Variants in CCDC171 observed in about 807,000 individuals in gnomAD.
The protein encoded by CCDC171 is coiled-coil domain-containing protein 171.
In CCDC171, 177 loss-of-function variants were observed where a neutral mutation model predicts 168.2. The observed-to-expected ratio is 1.05, with a 90% CI of 0.93 to 1.19. The LOEUF (loss-of-function observed/expected upper bound fraction) is 1.19, where lower values mean the gene tolerates loss of function less well. Among genes scored for constraint, CCDC171 ranks in the 50% most tolerant of loss-of-function variants. The pLI is 0.00. For missense variants in CCDC171, 1,991 were observed against 1,539.0 expected (o/e 1.29, Z -4.91); for synonymous variants, 687 against 540.8 (o/e 1.27, Z -3.75).
At chr9:15,960,512 T>C (rs1020902236) in intron 25 of CCDC171, among the ~76,000 whole-genome samples, 54 of 152,262 alleles carry the variant, frequency 3.5e-4, no homozygotes, top group Non-Finnish European at 1.0e-4. Flanking sequence ...AAATAAAGCC[T>C]AGGGGTATAT....
chr9:15,699,110 G>A (rs533287864), intron 11 of CCDC171, among the ~76,000 whole-genome samples: 17 of 152,238 alleles, frequency 1.1e-4, no homozygotes, highest in African/African-American at 2.6e-4. Context: ...TGAAGGCAGC[G>A]TGTCCAGAGT....
At chr9:15,908,904 C>G (rs575180783) in intron 24 of CCDC171, among the ~76,000 whole-genome samples, 1 of 152,106 alleles carries the variant, frequency 6.6e-6, no homozygotes, top group African/African-American at 2.4e-5. Context: ...CACCAGGTCC[C>G]GCTTCCAGCA....
intron 21 of CCDC171, among the ~76,000 whole-genome samples, chr9:15,785,882 G>T (rs2057925946): frequency 6.6e-6 from 1 of 151,714 alleles, no homozygotes; most frequent in South Asian, 2.1e-4. Context: ...CTATTATTAT[G>T]ATTTTGATTT....
chr9:15,817,974 C>G (rs368341531), intron 21 of CCDC171, among the ~76,000 whole-genome samples: 1 of 116,842 alleles, frequency 8.6e-6, no homozygotes, highest in African/African-American at 3.2e-5. Flanking sequence ...CTCACACGGC[C>G]GGGTACTCCT....
rs542355675 is a variant in CCDC171 at position 15,571,630 on chromosome 9, G to T, written c.48G>T (p.Lys16Asn). The T allele has an allele frequency of 6.4e-7, 1 of 1,551,982 alleles. No homozygotes were observed. The highest frequency in any genetic ancestry group is 8.7e-7 in the Non-Finnish European group (1 of 1,155,500). The part of the protein sequence containing the change: ...SSNTGDTQRL[K>N]IASLDVKQIL... Reference sequence around the variant, plus strand: ...CTGTAATCTCATTTTAAAGGTTGAAGATTGCCTCATTGGATGTAAAACAAA... The same window carrying T: ...CTGTAATCTCATTTTAAAGGTTGAATATTGCCTCATTGGATGTAAAACAAA... Residue 16 changes from lysine to asparagine, a missense_variant, in exon 3 of 26, where the codon AAG becomes AAT. Coordinates refer to ENST00000380701, the MANE Select transcript of CCDC171 (RefSeq NM_173550.4).
At chr9:15,701,352 T>C (rs1485698385) in intron 11 of CCDC171, among the ~76,000 whole-genome samples, 2 of 152,196 alleles carry the variant, frequency 1.3e-5, no homozygotes, top group Non-Finnish European at 2.9e-5. Context: ...ATATGTTTTT[T>C]CTAGTAGTTT....
At chr9:16,034,726 C>T (rs1564129453) in intron 6 of CCDC171, among the ~76,000 whole-genome samples, 2 of 152,140 alleles carry the variant, frequency 1.3e-5, no homozygotes, top group South Asian at 2.1e-4. Flanking sequence ...TTTTGGAAAG[C>T]TAATATAGCA....
chr9:15,952,512 C>T (rs945094160), intron 25 of CCDC171, among the ~76,000 whole-genome samples: 5 of 152,110 alleles, frequency 3.3e-5, no homozygotes, highest in African/African-American at 1.2e-4. Context: ...ATTCTCCTGC[C>T]TCAGCCTCCC....
chr9:15,888,293 C>T (rs897041773), intron 24 of CCDC171, among the ~76,000 whole-genome samples: 14 of 152,218 alleles, frequency 9.2e-5, no homozygotes, highest in African/African-American at 3.4e-4. Flanking sequence ...GGAAGCCATA[C>T]ATATATCTTT....
intron 18 of CCDC171, among the ~76,000 whole-genome samples, chr9:15,764,802 C>T (rs1427994668): frequency 1.3e-5 from 2 of 152,124 alleles, no homozygotes; most frequent in South Asian, 2.1e-4. Context: ...CCTGGTTGTA[C>T]ATTAGAATTA....
chr9:16,016,040 C>T (rs1170662089), intron 3 of CCDC171, among the ~76,000 whole-genome samples: 2 of 152,172 alleles, frequency 1.3e-5, no homozygotes, highest in Non-Finnish European at 2.9e-5. Flanking sequence ...TAAGTTGCTT[C>T]CACCTTTGGC....
chr9:15,616,262 A>AT (rs1423362277), intron 6 of CCDC171, among the ~76,000 whole-genome samples: 1 of 151,412 alleles, frequency 6.6e-6, no homozygotes, highest in East Asian at 1.9e-4. Flanking sequence ...ATTTCTGTTT[A>AT]TTTTTTAGGG....
chr9:15,706,382 T>C (rs1020458244), intron 11 of CCDC171, among the ~76,000 whole-genome samples: 3 of 152,078 alleles, frequency 2.0e-5, no homozygotes, highest in African/African-American at 7.2e-5. Flanking sequence ...CTCAACCTTC[T>C]GGGCTCAAGT....
intron 6 of CCDC171, among the ~76,000 whole-genome samples, chr9:15,598,096 C>G (rs2042521154): frequency 6.6e-6 from 1 of 152,062 alleles, no homozygotes; most frequent in African/African-American, 2.4e-5. Context: ...TTTCAAAAAA[C>G]CACCTCCTGG....
At chr9:15,692,771 C>T (rs552989530) in intron 10 of CCDC171, among the ~76,000 whole-genome samples, 4 of 151,658 alleles carry the variant, frequency 2.6e-5, no homozygotes, top group South Asian at 2.1e-4. Context: ...TCGTGATCCA[C>T]GCGCCTCGGC....
At chr9:15,998,511 G>C (rs539162560) in intron 3 of CCDC171, among the ~76,000 whole-genome samples, 5 of 152,316 alleles carry the variant, frequency 3.3e-5, no homozygotes, top group African/African-American at 1.2e-4. Flanking sequence ...TCCATACGCA[G>C]ATTGTCTATT....
intron 21 of CCDC171, among the ~76,000 whole-genome samples, chr9:15,796,986 G>A: frequency 6.6e-6 from 1 of 152,156 alleles, no homozygotes; most frequent in Non-Finnish European, 1.5e-5. Context: ...AAAATTGGCT[G>A]CATGATTTTA....
At chr9:15,985,382 A>G (rs945220777) in intron 3 of CCDC171, among the ~76,000 whole-genome samples, 6 of 152,186 alleles carry the variant, frequency 3.9e-5, no homozygotes, top group African/African-American at 9.7e-5. Flanking sequence ...GCTGCCTTAT[A>G]CTTTAATCTG....
intron 3 of CCDC171, among the ~76,000 whole-genome samples, chr9:15,983,823 T>A: frequency 6.7e-6 from 1 of 148,184 alleles, no homozygotes; most frequent in Non-Finnish European, 1.5e-5. Flanking sequence ...AGAGAGTGTG[T>A]GTGTGTGTGT....
Sources: allele counts gnomAD v4.1 joint callset (sites outside exome capture counted in the v4.1 genomes callset), GRCh38; gene constraint gnomAD v4.1.1; transcripts MANE v1.5; gene names NCBI Gene and HGNC (gene_info 2026-07-23, HGNC 2026-07-21).